The following FGF14 variants were observed in gnomAD, a reference collection of about 807,000 sequenced individuals.
FGF14 encodes the protein fibroblast growth factor homologous factor 4.
Under a neutral mutation model 25.5 loss-of-function variants are expected in FGF14, and 5 were observed. The ratio of observed to expected loss-of-function variants is 0.20; its 90% CI spans 0.10 to 0.41. FGF14 has a LOEUF of 0.41. Among genes scored for constraint, FGF14 ranks in the 10% least tolerant of loss-of-function variants. The pLI, the probability that FGF14 is intolerant of heterozygous loss-of-function variation, is 1.00. For synonymous variants in FGF14, 138 were observed against 118.3 expected, an observed-to-expected ratio of 1.17 and a Z score of -1.08; for missense variants, 222 against 320.1, an observed-to-expected ratio of 0.69 and a Z score of 2.34.
intron 3 of FGF14, among the ~76,000 whole-genome samples, chr13:101,787,106 TATA>T (rs1269430499): frequency 6.6e-6 from 1 of 152,186 alleles, no homozygotes; most frequent in Non-Finnish European, 1.5e-5. Flanking sequence ...ATTCAAAATA[TATA>T]ATAAGCAATG....
Position 101,823,300 on chromosome 13 carries a change from C to T in FGF14, c.408+45425G>A, listed in dbSNP as rs73557463. On this transcript the variant is annotated intron_variant, in intron 3 of 4. Coordinates refer to ENST00000376143, the MANE Select transcript of FGF14 (RefSeq NM_004115.4). ...CATTGTTTTCAAAGGAGCTGTTCTT[C>T]GTGCTATTATTCTACTCTCTCTCTC... Among the ~76,000 whole-genome samples, 1,024 of 150,790 alleles carry T rather than the reference C, an allele frequency of 6.8e-3. 11 individuals carry two copies. The highest frequency in any genetic ancestry group is 0.024 in the African/African-American group (970 of 41,222).
intron 1 of FGF14, among the ~76,000 whole-genome samples, chr13:101,985,401 TA>T (rs528533190): frequency 1.1e-3 from 161 of 152,112 alleles, no homozygotes; most frequent in African/African-American, 3.7e-3. Context: ...CTACTAAAAA[TA>T]AAAAAACATA....
intron 3 of FGF14, among the ~76,000 whole-genome samples, chr13:101,830,200 A>G (rs1238756128): frequency 6.6e-6 from 1 of 152,142 alleles, no homozygotes; most frequent in Non-Finnish European, 1.5e-5. Context: ...AGAGAAGTCT[A>G]GTAGCAACCA....
chr13:101,825,186 G>C (rs574509908), intron 3 of FGF14, among the ~76,000 whole-genome samples: 2 of 152,152 alleles, frequency 1.3e-5, no homozygotes, highest in Non-Finnish European at 2.9e-5. Flanking sequence ...CATCTAAAGT[G>C]GGAGGGAGTC....
At chr13:102,023,693 A>C (rs1595028953) in intron 1 of FGF14, among the ~76,000 whole-genome samples, 2 of 152,076 alleles carry the variant, frequency 1.3e-5, no homozygotes, top group African/African-American at 4.8e-5. Flanking sequence ...GGAATCATAC[A>C]AGATGCAGCC....
At chr13:101,974,796 A>G (rs2037823199) in intron 1 of FGF14, among the ~76,000 whole-genome samples, 3 of 152,192 alleles carry the variant, frequency 2.0e-5, no homozygotes, top group African/African-American at 7.2e-5. Flanking sequence ...AATACGCAAA[A>G]TCAAATTACC....
intron 1 of FGF14, among the ~76,000 whole-genome samples, chr13:102,035,391 C>T (rs1297048145): frequency 6.6e-6 from 1 of 152,134 alleles, no homozygotes; most frequent in East Asian, 1.9e-4. Context: ...GGAAGGGCCT[C>T]TCAACCCTTG....
intron 3 of FGF14, among the ~76,000 whole-genome samples, chr13:101,856,001 A>G (rs957692244): frequency 2.6e-5 from 4 of 151,568 alleles, no homozygotes; most frequent in Non-Finnish European, 5.9e-5. Context: ...ATTTTAAATT[A>G]AATAAAGTCT....
intron 3 of FGF14, among the ~76,000 whole-genome samples, chr13:101,851,813 C>T (rs1279474866): frequency 1.3e-5 from 2 of 152,104 alleles, no homozygotes; most frequent in African/African-American, 4.8e-5. Context: ...AAAACCAAGG[C>T]ATTTGCTGGT....
Position 102,161,632 on chromosome 13 carries a change from AAG to A in FGF14, c.208+239837_208+239838del, listed in dbSNP as rs1566764788. ...GAAGAAGAAGAAGAAGAAGAAGAAG[AAG>A]AAGAAGAAGAAGAAGAAGAAGAAGA... On this transcript the variant is annotated intron_variant, in intron 1 of 4. Transcript: ENST00000376131. 7.0e-3 allele frequency among the ~76,000 whole-genome samples: 85 copies of A among 12,070 alleles called. 4 individuals are homozygous for A. Among genetic ancestry groups the A allele is most frequent in the Admixed American group, 0.012 (11 of 888 alleles). The allele number at this position is 12,070 out of a possible 152,430, so 7.9% of individuals were successfully genotyped here.
At chr13:102,276,353 G>GTGTATATATATATA (rs1269490387) in intron 1 of FGF14, among the ~76,000 whole-genome samples, 2 of 103,296 alleles carry the variant, frequency 1.9e-5, no homozygotes, top group African/African-American at 7.6e-5. Context: ...GTGTGTGTGT[G>GTGTATATATATATA]TATATATATA....
chr13:102,160,737 A>C (rs1019304350), intron 1 of FGF14, among the ~76,000 whole-genome samples: 1 of 152,148 alleles, frequency 6.6e-6, no homozygotes, highest in Non-Finnish European at 1.5e-5. Context: ...GAATAGGATA[A>C]AGGAGAATTC....
intron 1 of FGF14, among the ~76,000 whole-genome samples, chr13:102,259,704 ATGTT>A (rs1440065478): frequency 6.6e-6 from 1 of 152,100 alleles, no homozygotes; most frequent in Non-Finnish European, 1.5e-5. Context: ...TTCGCCACAT[ATGTT>A]TTTTATATGA....
At chr13:101,929,544 T>C (rs574899885) in intron 1 of FGF14, among the ~76,000 whole-genome samples, 1 of 152,292 alleles carries the variant, frequency 6.6e-6, no homozygotes, top group South Asian at 2.1e-4. Context: ...ATAATATTCA[T>C]GAAGAGCTAT....
At chr13:101,925,676 A>G (rs1555524) in intron 1 of FGF14, among the ~76,000 whole-genome samples, 62,179 of 152,140 alleles carry the variant, frequency 0.41, 14,090 homozygotes, top group East Asian at 0.73. Flanking sequence ...TGCTAAAAAT[A>G]TAGATCTTAA....
chr13:102,032,067 T>C (rs1480211182), intron 1 of FGF14, among the ~76,000 whole-genome samples: 2 of 152,140 alleles, frequency 1.3e-5, no homozygotes, highest in Admixed American at 6.6e-5. Context: ...GCTCTTGATA[T>C]TCAACATGAA....
At chr13:102,201,097 T>C in intron 1 of FGF14, among the ~76,000 whole-genome samples, 1 of 70,810 alleles carries the variant, frequency 1.4e-5, no homozygotes, top group South Asian at 7.0e-4. Context: ...CGAGACTCCG[T>C]CTCTCAAAAA....
At chr13:101,812,065 G>A (rs2041541090) in intron 3 of FGF14, among the ~76,000 whole-genome samples, 1 of 152,040 alleles carries the variant, frequency 6.6e-6, no homozygotes, top group South Asian at 2.1e-4. Flanking sequence ...TCACTGAACA[G>A]TTAGAAGACT....
At chr13:101,858,708 T>C (rs1183971460) in intron 3 of FGF14, among the ~76,000 whole-genome samples, 2 of 152,132 alleles carry the variant, frequency 1.3e-5, no homozygotes, top group African/African-American at 4.8e-5. Context: ...AGGATAAAAA[T>C]GCAAACTGCA....
Sources: allele counts gnomAD v4.1 joint callset (sites outside exome capture counted in the v4.1 genomes callset), GRCh38; gene constraint gnomAD v4.1.1; transcripts MANE v1.5; gene names NCBI Gene and HGNC (gene_info 2026-07-23, HGNC 2026-07-21).